The following RGPD2 variants were observed in gnomAD, a reference collection of about 807,000 sequenced individuals.
RGPD2 encodes the protein RANBP2-like and GRIP domain-containing protein 2.
Under a neutral mutation model 36.0 loss-of-function variants are expected in RGPD2, and 2 were observed. That is an observed-to-expected ratio of 0.06 (90% CI 0.02 to 0.17). RGPD2 has a LOEUF of 0.17. RGPD2 is among the 10% of genes least tolerant of loss of function. The probability of loss-of-function intolerance (pLI) is 1.00; values close to 1 mark genes in which losing one functional copy is unlikely to be tolerated. For missense variants in RGPD2, 40 were observed against 464.3 expected, an observed-to-expected ratio of 0.09 and a Z score of 8.40; for synonymous variants, 19 against 163.8, an observed-to-expected ratio of 0.12 and a Z score of 6.75.
At chr2:87,906,654 G>A in the RGPD2 span, among the ~76,000 whole-genome samples, 1 of 148,036 alleles carries the variant, frequency 6.8e-6, no homozygotes, top group South Asian at 2.2e-4. Flanking sequence ...TTCCTCATAG[G>A]AGGTACCTCT....
At chr2:87,846,197 C>A in the RGPD2 span, among the ~76,000 whole-genome samples, 1 of 151,534 alleles carries the variant, frequency 6.6e-6, no homozygotes, top group Non-Finnish European at 1.5e-5. Context: ...AATTCACATA[C>A]CATACAATTC....
At chr2:87,865,130 T>C in the RGPD2 span, among the ~76,000 whole-genome samples, 1 of 151,922 alleles carries the variant, frequency 6.6e-6, no homozygotes, top group African/African-American at 2.4e-5. Flanking sequence ...TTATCTGCCA[T>C]TATTTGCCTT....
chr2:87,818,098 G>A (rs1217456622), intron 2 of RGPD2, among the ~76,000 whole-genome samples: 3 of 45,182 alleles, frequency 6.6e-5, no homozygotes, highest in Non-Finnish European at 8.8e-5. Flanking sequence ...CAGGAAATCA[G>A]AATCACCAAG....
chr2:87,877,443 T>C, the RGPD2 span, among the ~76,000 whole-genome samples: 1 of 152,274 alleles, frequency 6.6e-6, no homozygotes, highest in Non-Finnish European at 1.5e-5. Context: ...AAGGAGCTTA[T>C]TTCTCCTTCA....
At chr2:87,883,891 A>C in the RGPD2 span, among the ~76,000 whole-genome samples, 1 of 151,524 alleles carries the variant, frequency 6.6e-6, no homozygotes, top group Non-Finnish European at 1.5e-5. Flanking sequence ...CAGATCATTC[A>C]GACAGAAAAT....
the RGPD2 span, among the ~76,000 whole-genome samples, chr2:87,842,839 C>T: frequency 6.7e-6 from 1 of 149,112 alleles, no homozygotes; most frequent in Non-Finnish European, 1.5e-5. Context: ...ACCAAAACAG[C>T]ATGGTACTGG....
At chr2:87,878,797 C>T in the RGPD2 span, among the ~76,000 whole-genome samples, 1 of 152,178 alleles carries the variant, frequency 6.6e-6, no homozygotes, top group Non-Finnish European at 1.5e-5. Flanking sequence ...ATGAATTTGA[C>T]TTTTTTAGAT....
the RGPD2 span, among the ~76,000 whole-genome samples, chr2:87,875,607 T>G: frequency 6.6e-6 from 1 of 152,206 alleles, no homozygotes; most frequent in East Asian, 1.9e-4. Context: ...TGGATTTGGT[T>G]TGCCAGCCTT....
chr2:87,863,755 TTTA>T, the RGPD2 span, among the ~76,000 whole-genome samples: 2 of 152,010 alleles, frequency 1.3e-5, no homozygotes, highest in African/African-American at 2.4e-5. Context: ...ATGCCTTTGA[TTTA>T]TTTTCTCTGT....
chr2:87,906,731 G>A, the RGPD2 span, among the ~76,000 whole-genome samples: 1 of 150,746 alleles, frequency 6.6e-6, no homozygotes, highest in Non-Finnish European at 1.5e-5. Context: ...CCCTCTAAGC[G>A]GTATATTGTG....
At chr2:87,842,300 T>C in the RGPD2 span, among the ~76,000 whole-genome samples, 2 of 146,390 alleles carry the variant, frequency 1.4e-5, no homozygotes, top group African/African-American at 5.4e-5. Context: ...TGACTGTATA[T>C]CTAGAAAACC....
chr2:87,930,247 TA>T, the RGPD2 span, among the ~76,000 whole-genome samples: 1 of 134,712 alleles, frequency 7.4e-6, no homozygotes, highest in African/African-American at 2.9e-5. Flanking sequence ...GTTCTTTCAA[TA>T]ACTAGTTTAT....
chr2:87,983,592 G>A, the RGPD2 span, among the ~76,000 whole-genome samples: 1 of 126,692 alleles, frequency 7.9e-6, no homozygotes, highest in African/African-American at 2.9e-5. Context: ...GTTGGGGGAG[G>A]AGGGACACAA....
chr2:87,937,829 G>A, the RGPD2 span, among the ~76,000 whole-genome samples: 4 of 151,880 alleles, frequency 2.6e-5, no homozygotes, highest in African/African-American at 9.7e-5. Flanking sequence ...ACAAACTCAG[G>A]GCAAAGAGTA....
At chr2:87,880,522 C>T in the RGPD2 span, among the ~76,000 whole-genome samples, 1 of 69,358 alleles carries the variant, frequency 1.4e-5, no homozygotes, top group African/African-American at 7.9e-5. Context: ...ATCTGCTTGG[C>T]TCCTGGTGAA....
chr2:87,857,764 C>T, the RGPD2 span, among the ~76,000 whole-genome samples: 25 of 147,288 alleles, frequency 1.7e-4, no homozygotes, highest in South Asian at 2.1e-4. Flanking sequence ...CGGTGAAACC[C>T]CATCTCTACT....
At chr2:87,924,458 A>G in the RGPD2 span, among the ~76,000 whole-genome samples, 2 of 151,718 alleles carry the variant, frequency 1.3e-5, no homozygotes, top group Non-Finnish European at 2.9e-5. Flanking sequence ...TTACAGCCCT[A>G]GAGACTTGGC....
At chr2:87,857,521 T>C in the RGPD2 span, among the ~76,000 whole-genome samples, 1 of 151,564 alleles carries the variant, frequency 6.6e-6, no homozygotes, top group South Asian at 2.1e-4. Flanking sequence ...TTTTTGTATT[T>C]TTAGTAGAGA....
chr2:87,877,544 C>A, the RGPD2 span, among the ~76,000 whole-genome samples: 1 of 152,238 alleles, frequency 6.6e-6, no homozygotes, highest in Middle Eastern at 3.4e-3. Flanking sequence ...TGGCTCACAC[C>A]TGTAATCCCA....
Sources: allele counts gnomAD v4.1 joint callset (sites outside exome capture counted in the v4.1 genomes callset), GRCh38; gene constraint gnomAD v4.1.1; transcripts MANE v1.5; gene names NCBI Gene and HGNC (gene_info 2026-07-23, HGNC 2026-07-21).